The following ARID1A variants were observed in gnomAD, a reference collection of about 807,000 sequenced individuals.
The protein encoded by ARID1A is AT-rich interactive domain-containing protein 1A.
ARID1A carries 20 observed loss-of-function variants against 212.6 expected under a neutral mutation model. The observed-to-expected ratio is 0.09, with a 90% CI of 0.07 to 0.14. The LOEUF (loss-of-function observed/expected upper bound fraction) is 0.14, where lower values mean the gene tolerates loss of function less well. ARID1A is among the 10% of genes least tolerant of loss of function. The pLI, the probability that ARID1A is intolerant of heterozygous loss-of-function variation, is 1.00. For synonymous variants in ARID1A, 1,376 were observed against 1,222.1 expected, an observed-to-expected ratio of 1.13 and a Z score of -2.63; for missense variants, 2,587 against 3,059.0, an observed-to-expected ratio of 0.85 and a Z score of 3.64.
chr1:26,701,912 G>A (rs1421478984), intron 1 of ARID1A, among the ~76,000 whole-genome samples: 2 of 152,148 alleles, frequency 1.3e-5, no homozygotes, highest in Admixed American at 1.3e-4. Flanking sequence ...CTAAATAGTC[G>A]TTGGAAAGTT....
intron 11 of ARID1A, among the ~76,000 whole-genome samples, chr1:26,768,325 T>G (rs554566652): frequency 1.1e-4 from 17 of 152,352 alleles, no homozygotes; most frequent in African/African-American, 3.4e-4. Context: ...TTTGGAGAGA[T>G]GGACCTGGTT....
At chr1:26,766,682 G>T in intron 10 of ARID1A, 116 bp downstream of exon 10, 1 of 1,100,864 alleles carries the variant, frequency 9.1e-7, no homozygotes, top group Non-Finnish European at 1.3e-6. Context: ...GGACTAGATA[G>T]TCTCTGAAAA....
At chr1:26,733,951 A>G (rs1458313287) in intron 4 of ARID1A, among the ~76,000 whole-genome samples, 2 of 152,240 alleles carry the variant, frequency 1.3e-5, no homozygotes, top group African/African-American at 2.4e-5. Flanking sequence ...AGACACCTCA[A>G]TAGGGCAAGG....
At chr1:26,709,848 T>C (rs889830297) in intron 1 of ARID1A, among the ~76,000 whole-genome samples, 2 of 151,182 alleles carry the variant, frequency 1.3e-5, no homozygotes, top group African/African-American at 4.9e-5. Flanking sequence ...TTTTTTTTTT[T>C]TGGAGACAGA....
intron 19 of ARID1A, 49 bp from the exon 20 acceptor site, chr1:26,778,974 T>C (rs2081163405): frequency 6.7e-7 from 1 of 1,489,568 alleles, no homozygotes; most frequent in Non-Finnish European, 8.9e-7. Context: ...AATTCTGTTC[T>C]TAGGCCACTT....
Position 26,774,802 on chromosome 1 carries a change from C to T in ARID1A, c.4575C>T (p.Gly1525=), listed in dbSNP as rs1011799982. ...GSAPQGPAYH[G]VNRTDEMLHT... The stretch of plus-strand genomic sequence containing the variant: ...CCCCCCAGGGCCCCGCCTATCATGG[C>T]GTGAACCGAACAGATGAAATGCTGC... The change falls in exon 18 of 20, where the codon GGC becomes GGT. Residue 1525 remains glycine (G), a synonymous_variant. Coordinates refer to ENST00000324856, the MANE Select transcript of ARID1A (RefSeq NM_006015.6). The surrounding 1 kb of genome is among the most constrained non-coding windows in gnomAD (Gnocchi z 5.6). The T allele has an allele frequency of 1.9e-6, 3 of 1,614,146 alleles. No individual in the cohort carries two copies. Among genetic ancestry groups the T allele is most frequent in the African/African-American group, 1.3e-5 (1 of 75,060 alleles).
chr1:26,698,812 T>A (rs1333476963), intron 1 of ARID1A, among the ~76,000 whole-genome samples: 1 of 152,204 alleles, frequency 6.6e-6, no homozygotes, highest in Non-Finnish European at 1.5e-5. Flanking sequence ...AAATGTGGGA[T>A]CTTTATGGGG....
In ARID1A at chr1:26,779,533, C is replaced by T. The variant is rs369894428; in HGVS notation, c.5635C>T (p.Arg1879Trp). 23 of 1,614,102 alleles carry T rather than the reference C, an allele frequency of 1.4e-5. No homozygotes were observed. The highest frequency in any genetic ancestry group is 1.1e-4 in the East Asian group (5 of 44,868). The change falls in exon 20 of 20, where the codon CGG becomes TGG. Residue 1879 changes from arginine to tryptophan, a missense_variant. By Grantham distance (101) the Arg-to-Trp change is moderately radical (BLOSUM62 -3). This residue lies in a region of ARID1A where 890 missense variants were observed against 1,098.2 expected (regional missense o/e 0.81). Coordinates refer to ENST00000324856, the MANE Select transcript of ARID1A (RefSeq NM_006015.6). ...RPHAPCPPAPRKHVTTAEGTP... is the reference protein window; with the variant it reads ...RPHAPCPPAPWKHVTTAEGTP... ...TCACGCACCCTGCCCACCAGCCCCT[C>T]GGAAGCATGTGACAACAGCAGAGGG...
intron 1 of ARID1A, among the ~76,000 whole-genome samples, chr1:26,706,106 C>T (rs915801545): frequency 5.3e-5 from 8 of 152,134 alleles, no homozygotes; most frequent in South Asian, 4.1e-4. Flanking sequence ...AGGCCCAAAG[C>T]GCTGCTTGAA....
At chr1:26,744,248 CTGCT>C (rs1393726103) in intron 4 of ARID1A, among the ~76,000 whole-genome samples, 1 of 152,220 alleles carries the variant, frequency 6.6e-6, no homozygotes, top group African/African-American at 2.4e-5. Flanking sequence ...TGAGCCTGTG[CTGCT>C]TGCAGCAGAT....
intron 4 of ARID1A, among the ~76,000 whole-genome samples, chr1:26,746,779 G>A (rs1479133876): frequency 6.6e-6 from 1 of 152,216 alleles, no homozygotes; most frequent in African/African-American, 2.4e-5. Flanking sequence ...GCTCACGCCT[G>A]TAATCCCAGC....
At chr1:26,724,051 G>A (rs1178542661) in intron 1 of ARID1A, among the ~76,000 whole-genome samples, 1 of 152,018 alleles carries the variant, frequency 6.6e-6, no homozygotes, top group Non-Finnish European at 1.5e-5. Context: ...AATTAGGGGG[G>A]TTCTTTTGGT....
intron 1 of ARID1A, among the ~76,000 whole-genome samples, chr1:26,711,669 T>G (rs1257131938): frequency 6.6e-6 from 1 of 152,194 alleles, no homozygotes; most frequent in Non-Finnish European, 1.5e-5. Context: ...TCTGCTTGTT[T>G]ATAGGACTTG....
At chr1:26,744,269 A>G (rs189211936) in intron 4 of ARID1A, among the ~76,000 whole-genome samples, 44 of 152,230 alleles carry the variant, frequency 2.9e-4, no homozygotes, top group African/African-American at 1.1e-3. Context: ...AGATTACTGT[A>G]TGCTTGTTCC....
chr1:26,767,655 T>C (rs2081051009), intron 10 of ARID1A, 135 bp from the exon 11 acceptor site: 2 of 907,376 alleles, frequency 2.2e-6, no homozygotes, highest in South Asian at 1.8e-5. Context: ...TTCAACCTTA[T>C]GAAGGTAGGA....
intron 11 of ARID1A, among the ~76,000 whole-genome samples, chr1:26,768,853 ATCAGTTTG>A: frequency 6.6e-6 from 1 of 152,260 alleles, no homozygotes; most frequent in Non-Finnish European, 1.5e-5. Flanking sequence ...CTGCTGTTGG[ATCAGTTTG>A]TGGCTGAGCT....
At position 26,696,562 on chromosome 1, in the gene ARID1A, C is replaced by T. The variant is rs1242992278; in HGVS notation, c.159C>T (p.Ala53=). The change falls in exon 1 of 20, where the codon GCC becomes GCT. Residue 53 remains alanine, a synonymous_variant. Transcript: ENST00000324856. ...AAAERGEMKA[A]AGQESEGPAV... is the part of the protein sequence containing the mutation. ...CCGAGCGCGGGGAAATGAAGGCAGC[C>T]GCCGGGCAGGAAAGCGAGGGCCCCG... The T allele has an allele frequency of 3.3e-5, 41 of 1,230,662 alleles. No individual in the cohort carries two copies. The highest frequency in any genetic ancestry group is 3.1e-4 in the Middle Eastern group (1 of 3,178). 76.2% of individuals were successfully genotyped at this position (1,230,662 alleles called of 1,614,324 possible). A position where few individuals can be genotyped will look rare whatever the true frequency, so the allele number is the denominator to read the frequency against.
chr1:26,767,703 C>A, intron 10 of ARID1A, 87 bp from the exon 11 acceptor site: 1 of 1,316,612 alleles, frequency 7.6e-7, no homozygotes, highest in Non-Finnish European at 1.0e-6. Flanking sequence ...GAAGCTTTAA[C>A]ACTGCTCCAG....
intron 4 of ARID1A, among the ~76,000 whole-genome samples, chr1:26,736,342 A>T (rs78671523): frequency 6.7e-6 from 1 of 148,436 alleles, no homozygotes; most frequent in Non-Finnish European, 1.5e-5. Context: ...AAAAAAAAAA[A>T]AGTATAGCTG....
Sources: gnomAD v4.1 joint callset for allele counts (sites outside exome capture counted in the v4.1 genomes callset) on GRCh38, gnomAD v4.1.1 for gene constraint, gnomAD v4.1.1 regional missense constraint, Gnocchi (gnomAD v3.1) non-coding constraint, MANE v1.5 for transcripts, NCBI Gene and HGNC (gene_info 2026-07-23, HGNC 2026-07-21) for gene names.